Variants in NRG1 observed in about 807,000 individuals in gnomAD.
NRG1 encodes pro-neuregulin-1, membrane-bound isoform.
In NRG1, 18 loss-of-function variants were observed where a neutral mutation model predicts 63.8. The ratio of observed to expected loss-of-function variants is 0.28; its 90% CI spans 0.19 to 0.42. The LOEUF (loss-of-function observed/expected upper bound fraction) is 0.42, where lower values mean the gene tolerates loss of function less well. NRG1 is among the 10% of genes least tolerant of loss of function. The pLI is 1.00. For synonymous variants in NRG1, 302 were observed against 301.3 expected (o/e 1.00, Z -0.02); for missense variants, 762 against 814.7 (o/e 0.94, Z 0.79).
At chr8:32,006,601 G>A (rs186359533) in intron 1 of NRG1, among the ~76,000 whole-genome samples, 141 of 152,132 alleles carry the variant, frequency 9.3e-4, no homozygotes, top group African/African-American at 3.4e-3. Flanking sequence ...AAGGACTTGA[G>A]CTGTTGCTGG....
At chr8:31,965,372 A>T (rs1232079452) in intron 1 of NRG1, among the ~76,000 whole-genome samples, 4 of 151,880 alleles carry the variant, frequency 2.6e-5, no homozygotes, top group African/African-American at 9.7e-5. Context: ...ACAGGTGCAC[A>T]CCACCATACC....
chr8:31,740,049 G>A (rs1034582187), intron 1 of NRG1, among the ~76,000 whole-genome samples: 1 of 151,884 alleles, frequency 6.6e-6, no homozygotes, highest in African/African-American at 2.4e-5. Flanking sequence ...GTTTTAGGCT[G>A]TTGCAGCTGA....
intron 1 of NRG1, among the ~76,000 whole-genome samples, chr8:32,080,764 CGTGTGTGTGTGTGTGTGTGTGTGT>C (rs3084557): frequency 2.0e-5 from 3 of 148,728 alleles, no homozygotes; most frequent in Non-Finnish European, 4.5e-5. Context: ...TGTGTGTGTG[CGTGTGTGTGTGTGTGTGTGTGTGT>C]GTGTGTGTGT....
chr8:32,151,669 G>A (rs750125007), intron 1 of NRG1, among the ~76,000 whole-genome samples: 4 of 152,206 alleles, frequency 2.6e-5, no homozygotes, highest in Admixed American at 1.3e-4. Context: ...GCCAGATGAC[G>A]CAGCTGGAAG....
chr8:32,243,604 T>C, intron 1 of NRG1, among the ~76,000 whole-genome samples: 1 of 152,090 alleles, frequency 6.6e-6, no homozygotes, highest in Non-Finnish European at 1.5e-5. Context: ...TTCAAATCCA[T>C]AGCACATAGT....
chr8:32,283,501 C>T (rs570982959), intron 1 of NRG1, among the ~76,000 whole-genome samples: 14 of 152,180 alleles, frequency 9.2e-5, no homozygotes, highest in South Asian at 2.1e-4. Flanking sequence ...AAAGTTAGAA[C>T]GCAATGAAAC....
intron 1 of NRG1, among the ~76,000 whole-genome samples, chr8:31,789,312 G>T (rs1820468979): frequency 6.6e-6 from 1 of 152,206 alleles, no homozygotes; most frequent in African/African-American, 2.4e-5. Flanking sequence ...GTGGAGAACA[G>T]AATTGTTGTT....
chr8:32,223,000 A>T (rs1325904996), intron 1 of NRG1, among the ~76,000 whole-genome samples: 2 of 152,218 alleles, frequency 1.3e-5, no homozygotes, highest in South Asian at 2.1e-4. Flanking sequence ...TCTCTCAAAG[A>T]TCAGATGTTT....
intron 1 of NRG1, among the ~76,000 whole-genome samples, chr8:31,642,567 A>AG (rs1262681657): frequency 1.4e-5 from 2 of 142,050 alleles, no homozygotes; most frequent in Non-Finnish European, 3.1e-5. Flanking sequence ...TGTGCTTCTA[A>AG]GGGGAAAAAA....
At chr8:32,558,835 C>G (rs572016759) in intron 1 of NRG1, among the ~76,000 whole-genome samples, 1 of 152,038 alleles carries the variant, frequency 6.6e-6, no homozygotes, top group African/African-American at 2.4e-5. Context: ...AATCCCAACA[C>G]TTTGGGAAGC....
At chr8:31,995,389 T>C (rs1811797532) in intron 1 of NRG1, among the ~76,000 whole-genome samples, 1 of 151,992 alleles carries the variant, frequency 6.6e-6, no homozygotes, top group Non-Finnish European at 1.5e-5. Flanking sequence ...AGGACTATAA[T>C]CCTGCAGAGT....
At position 32,161,687 on chromosome 8, in the gene NRG1, C is replaced by T. The variant is rs141363918; in HGVS notation, c.38-434141C>T. 6.1e-3 allele frequency among the ~76,000 whole-genome samples: 925 copies of T among 152,206 alleles called. 16 individuals carry two copies. The highest frequency in any genetic ancestry group is 3.3e-3 in the Non-Finnish European group (222 of 68,016). ...TATCTTGTTGGTATAAATTCCACTG[C>T]ATTGTTCTTGGTTGGGTTGTTCCTT... On this transcript the variant is annotated intron_variant, in intron 1 of 10. Transcript: ENST00000519301.
chr8:31,727,079 T>G (rs938483971), intron 1 of NRG1, among the ~76,000 whole-genome samples: 12 of 152,164 alleles, frequency 7.9e-5, no homozygotes, highest in African/African-American at 2.9e-4. Context: ...AAGGAGTATT[T>G]ATCTGTTTCT....
At chr8:32,306,268 G>A (rs1038922386) in intron 1 of NRG1, among the ~76,000 whole-genome samples, 1 of 152,136 alleles carries the variant, frequency 6.6e-6, no homozygotes, top group East Asian at 1.9e-4. Flanking sequence ...TGCATTTAAC[G>A]GGCAAAAGAA....
chr8:32,428,315 A>G (rs1198361126), intron 1 of NRG1, among the ~76,000 whole-genome samples: 1 of 151,180 alleles, frequency 6.6e-6, no homozygotes. Flanking sequence ...ATAAAGTCCT[A>G]GTAGCATTGT....
At chr8:32,579,618 T>C (rs1444319346) in intron 1 of NRG1, among the ~76,000 whole-genome samples, 1 of 152,184 alleles carries the variant, frequency 6.6e-6, no homozygotes, top group South Asian at 2.1e-4. Flanking sequence ...CTCTGGTTTA[T>C]CTATTTTTAT....
intron 1 of NRG1, among the ~76,000 whole-genome samples, chr8:31,871,444 G>T (rs562220952): frequency 6.6e-6 from 1 of 151,784 alleles, no homozygotes; most frequent in Non-Finnish European, 1.5e-5. Context: ...CCACTAAATC[G>T]CTCCATGCAA....
chr8:31,826,332 TAATTG>T (rs1382069365), intron 1 of NRG1, among the ~76,000 whole-genome samples: 1 of 151,996 alleles, frequency 6.6e-6, no homozygotes, highest in African/African-American at 2.4e-5. Flanking sequence ...TGGCAGGAGG[TAATTG>T]AATCATGGGG....
intron 1 of NRG1, among the ~76,000 whole-genome samples, chr8:32,412,929 T>A (rs1179924051): frequency 6.6e-6 from 1 of 152,188 alleles, no homozygotes; most frequent in African/African-American, 2.4e-5. Context: ...TACTATTGTT[T>A]TGATTATCAA....
Sources: allele counts gnomAD v4.1 joint callset (sites outside exome capture counted in the v4.1 genomes callset), GRCh38; gene constraint gnomAD v4.1.1; transcripts MANE v1.5; gene names NCBI Gene and HGNC (gene_info 2026-07-23, HGNC 2026-07-21).